SEMA5A: variants seen among roughly 807,000 people sequenced by gnomAD.
SEMA5A encodes the protein semaphorin 5A.
A neutral mutation model predicts 135.5 loss-of-function variants in SEMA5A; 55 were observed. The observed-to-expected ratio is 0.41, with a 90% CI of 0.33 to 0.51. SEMA5A has a LOEUF of 0.51. SEMA5A is among the 20% of genes least tolerant of loss of function. The pLI, the probability that SEMA5A is intolerant of heterozygous loss-of-function variation, is 0.37. For missense variants in SEMA5A, 1,290 were observed against 1,419.9 expected, an observed-to-expected ratio of 0.91 and a Z score of 1.47; for synonymous variants, 580 against 546.5, an observed-to-expected ratio of 1.06 and a Z score of -0.85.
intron 2 of SEMA5A, among the ~76,000 whole-genome samples, chr5:9,381,243 G>A (rs1755593699): frequency 6.6e-6 from 1 of 152,212 alleles, no homozygotes; most frequent in Non-Finnish European, 1.5e-5. Flanking sequence ...TCAGTTTGAA[G>A]CCATTACAAT....
At chr5:9,102,223 A>G (rs1223072520) in intron 16 of SEMA5A, among the ~76,000 whole-genome samples, 2 of 152,226 alleles carry the variant, frequency 1.3e-5, no homozygotes, top group African/African-American at 4.8e-5. Flanking sequence ...CCTCTCCTCT[A>G]TATTTTATGA....
intron 3 of SEMA5A, among the ~76,000 whole-genome samples, chr5:9,340,781 T>G (rs1753613543): frequency 1.3e-5 from 2 of 152,184 alleles, no homozygotes; most frequent in East Asian, 3.9e-4. Flanking sequence ...ATCTCAACTT[T>G]GCATATTACA....
intron 1 of SEMA5A, among the ~76,000 whole-genome samples, chr5:9,474,958 T>C (rs1240906025): frequency 6.6e-6 from 1 of 152,214 alleles, no homozygotes; most frequent in Non-Finnish European, 1.5e-5. Flanking sequence ...TACTTATTTA[T>C]TTAGAAACCG....
intron 16 of SEMA5A, among the ~76,000 whole-genome samples, chr5:9,073,250 G>T (rs1362350141): frequency 6.6e-6 from 1 of 152,006 alleles, no homozygotes; most frequent in East Asian, 1.9e-4. Flanking sequence ...ATATCAAAAG[G>T]TTAACACCTC....
chr5:9,233,469 T>C (rs1471200764), intron 6 of SEMA5A, among the ~76,000 whole-genome samples: 1 of 151,914 alleles, frequency 6.6e-6, no homozygotes, highest in African/African-American at 2.4e-5. Context: ...CACCCCCACT[T>C]TTTTTCCCCC....
chr5:9,470,458 T>G (rs1392637142), intron 1 of SEMA5A, among the ~76,000 whole-genome samples: 2 of 152,168 alleles, frequency 1.3e-5, no homozygotes, highest in African/African-American at 4.8e-5. Flanking sequence ...ATGTGAGAAG[T>G]GACTGAGACA....
intron 5 of SEMA5A, among the ~76,000 whole-genome samples, chr5:9,268,462 T>C (rs182579077): frequency 2.0e-5 from 3 of 152,212 alleles, no homozygotes; most frequent in African/African-American, 7.2e-5. Flanking sequence ...GGGAAGGAAA[T>C]GTAAAGCTTA....
intron 16 of SEMA5A, among the ~76,000 whole-genome samples, chr5:9,071,330 C>G (rs977844844): frequency 1.3e-5 from 2 of 152,222 alleles, no homozygotes; most frequent in South Asian, 2.1e-4. Context: ...CTAATTCAGG[C>G]CCCCATCACC....
chr5:9,150,573 C>T (rs574925262), intron 12 of SEMA5A, among the ~76,000 whole-genome samples: 2 of 152,238 alleles, frequency 1.3e-5, no homozygotes, highest in African/African-American at 4.8e-5. Context: ...TTTAAAATAA[C>T]TTTCTAAGGC....
intron 12 of SEMA5A, among the ~76,000 whole-genome samples, chr5:9,137,167 G>C (rs1358639057): frequency 1.3e-5 from 2 of 152,140 alleles, no homozygotes; most frequent in Non-Finnish European, 2.9e-5. Flanking sequence ...CAGAAAATCT[G>C]AGAAATTAGC....
intron 21 of SEMA5A, chr5:9,045,692 ATT>A (rs796237026): frequency 7.7e-4 from 118 of 152,288 alleles, no homozygotes; most frequent in African/African-American, 2.8e-3. Flanking sequence ...GAAATAAGGG[ATT>A]TGTGTTAAAT....
At chr5:9,235,268 T>C (rs980005144) in intron 6 of SEMA5A, among the ~76,000 whole-genome samples, 1 of 152,098 alleles carries the variant, frequency 6.6e-6, no homozygotes, top group South Asian at 2.1e-4. Flanking sequence ...GTAATCAAGA[T>C]GAAATATGAG....
Position 9,050,404 on chromosome 5 carries a change from A to T in SEMA5A, c.2893+6T>A. The T allele has an allele frequency of 6.2e-7, 1 of 1,610,142 alleles. No homozygotes were observed. The highest frequency in any genetic ancestry group is 2.2e-5 in the East Asian group (1 of 44,836). ...CCATTACAACTACTTAAAAGGAATA[A>T]CGTACCTCCACACCTTTTCTCTTCT... On this transcript the variant is annotated splice_donor_region_variant and intron_variant, in intron 21 of 22. Coordinates refer to ENST00000382496, the MANE Select transcript of SEMA5A (RefSeq NM_003966.3).
At chr5:9,403,256 A>C (rs1306474641) in intron 2 of SEMA5A, among the ~76,000 whole-genome samples, 1 of 152,220 alleles carries the variant, frequency 6.6e-6, no homozygotes, top group Non-Finnish European at 1.5e-5. Context: ...TTATGAATTT[A>C]ACTCCCCAAT....
intron 2 of SEMA5A, among the ~76,000 whole-genome samples, chr5:9,387,692 A>C (rs924204174): frequency 6.6e-6 from 1 of 152,246 alleles, no homozygotes; most frequent in Non-Finnish European, 1.5e-5. Flanking sequence ...AGTGTAGGAA[A>C]TGGAATTAAA....
At chr5:9,474,616 T>A (rs1182728564) in intron 1 of SEMA5A, among the ~76,000 whole-genome samples, 1 of 152,226 alleles carries the variant, frequency 6.6e-6, no homozygotes, top group Non-Finnish European at 1.5e-5. Context: ...GCATGCATCT[T>A]TTTCTAGCTC....
At chr5:9,381,650 A>C (rs1005670546) in intron 2 of SEMA5A, among the ~76,000 whole-genome samples, 1 of 152,214 alleles carries the variant, frequency 6.6e-6, no homozygotes, top group Admixed American at 6.5e-5. Context: ...TGGGTCACAC[A>C]TGAGCCCAAC....
At chr5:9,387,386 G>A (rs887365832) in intron 2 of SEMA5A, among the ~76,000 whole-genome samples, 18 of 152,264 alleles carry the variant, frequency 1.2e-4, no homozygotes, top group African/African-American at 4.1e-4. Flanking sequence ...GAGGACACTA[G>A]CCCCACTACT....
At chr5:9,096,451 CTCTT>C (rs1271736731) in intron 16 of SEMA5A, among the ~76,000 whole-genome samples, 3 of 152,028 alleles carry the variant, frequency 2.0e-5, no homozygotes, top group African/African-American at 4.8e-5. Context: ...TGCACTATTT[CTCTT>C]TCTTTGTTTG....
Sources: allele counts gnomAD v4.1 joint callset (sites outside exome capture counted in the v4.1 genomes callset), GRCh38; gene constraint gnomAD v4.1.1; transcripts MANE v1.5; gene names NCBI Gene and HGNC (gene_info 2026-07-23, HGNC 2026-07-21).